Variants in PPP2R2B observed in about 807,000 individuals in gnomAD.
PPP2R2B encodes the protein serine/threonine-protein phosphatase 2A 55 kDa regulatory subunit B beta isoform.
Under a neutral mutation model 46.0 loss-of-function variants are expected in PPP2R2B, and 5 were observed. That is an observed-to-expected ratio of 0.11 (90% CI 0.06 to 0.23). The LOEUF is 0.23. PPP2R2B is among the 10% of genes least tolerant of loss of function. PPP2R2B has a pLI of 1.00. For synonymous variants in PPP2R2B, 215 were observed against 206.7 expected (o/e 1.04, Z -0.34); for missense variants, 367 against 575.0 (o/e 0.64, Z 3.70).
At position 146,838,533 on chromosome 5, in the gene PPP2R2B, T is replaced by C. The variant is rs1225975359; in HGVS notation, c.70+39469A>G. On this transcript the variant is annotated intron_variant, in intron 2 of 9. Transcript: ENST00000394411. Reference sequence around the variant, plus strand: ...TTGCACTGAGCTAAGATTGTGCCACTGCACTCCTGCCCAGAGGACAAAGTG... The same window carrying C: ...TTGCACTGAGCTAAGATTGTGCCACCGCACTCCTGCCCAGAGGACAAAGTG... Among the ~76,000 whole-genome samples the C allele has an allele frequency of 2.1e-5, 3 of 143,352 alleles. No individual in the cohort carries two copies. In the Admixed American group the frequency reaches 2.2e-4, roughly 10 times the overall value. The allele number at this position is 143,352 out of a possible 152,430, so 94.0% of individuals were successfully genotyped here.
At chr5:146,604,083 A>T (rs1772041159) in intron 7 of PPP2R2B, among the ~76,000 whole-genome samples, 1 of 152,236 alleles carries the variant, frequency 6.6e-6, no homozygotes, top group Non-Finnish European at 1.5e-5. Flanking sequence ...ATAATGAACA[A>T]GACAGATCCA....
At chr5:146,856,198 T>C (rs1399362143) in intron 2 of PPP2R2B, among the ~76,000 whole-genome samples, 1 of 152,204 alleles carries the variant, frequency 6.6e-6, no homozygotes, top group African/African-American at 2.4e-5. Flanking sequence ...TATTCTTGTT[T>C]AGCCAACACT....
chr5:146,871,934 G>A (rs1451633538), intron 2 of PPP2R2B, among the ~76,000 whole-genome samples: 1 of 152,202 alleles, frequency 6.6e-6, no homozygotes, highest in African/African-American at 2.4e-5. Flanking sequence ...GAGATTAAAT[G>A]AGTAAACATA....
intron 2 of PPP2R2B, among the ~76,000 whole-genome samples, chr5:146,729,263 TGA>T (rs1455794508): frequency 1.3e-5 from 2 of 152,140 alleles, no homozygotes; most frequent in Non-Finnish European, 2.9e-5. Flanking sequence ...ACTTTGAACT[TGA>T]GAGAGATGAT....
At chr5:146,988,942 T>C (rs1396258389) in intron 1 of PPP2R2B, among the ~76,000 whole-genome samples, 1 of 151,790 alleles carries the variant, frequency 6.6e-6, no homozygotes, top group Non-Finnish European at 1.5e-5. Flanking sequence ...GCCACAGAAA[T>C]ACAAAGGATC....
chr5:146,966,540 T>C (rs1256075376), intron 1 of PPP2R2B, among the ~76,000 whole-genome samples: 1 of 152,188 alleles, frequency 6.6e-6, no homozygotes, highest in Non-Finnish European at 1.5e-5. Context: ...AACACTCTAA[T>C]CCATCATACC....
At chr5:146,664,701 G>A (rs116383608) in intron 5 of PPP2R2B, among the ~76,000 whole-genome samples, 55 of 152,170 alleles carry the variant, frequency 3.6e-4, no homozygotes, top group Middle Eastern at 3.4e-3. Flanking sequence ...TGGTGAGTGC[G>A]TCCCAGAAGA....
At chr5:146,596,169 G>T (rs1771151974) in intron 8 of PPP2R2B, among the ~76,000 whole-genome samples, 1 of 152,184 alleles carries the variant, frequency 6.6e-6, no homozygotes, top group Non-Finnish European at 1.5e-5. Context: ...TACCTACAAA[G>T]ACAAATAGGG....
intron 2 of PPP2R2B, among the ~76,000 whole-genome samples, chr5:146,829,632 T>C (rs1265218555): frequency 2.6e-5 from 4 of 152,172 alleles, no homozygotes; most frequent in East Asian, 3.9e-4. Context: ...AGAGACACCA[T>C]ATAAAGAGTC....
chr5:146,630,249 G>A (rs322485), intron 7 of PPP2R2B, among the ~76,000 whole-genome samples: 3 of 152,048 alleles, frequency 2.0e-5, no homozygotes, highest in African/African-American at 4.8e-5. Context: ...CTTTGGATCC[G>A]TCTGATAACA....
chr5:146,725,716 C>G (rs772938871), intron 2 of PPP2R2B, among the ~76,000 whole-genome samples: 1 of 152,152 alleles, frequency 6.6e-6, no homozygotes, highest in Non-Finnish European at 1.5e-5. Context: ...AAATAACTGG[C>G]CTTCTTTCAC....
chr5:146,816,136 G>T (rs1757918352), intron 2 of PPP2R2B, among the ~76,000 whole-genome samples: 1 of 152,098 alleles, frequency 6.6e-6, no homozygotes, highest in Non-Finnish European at 1.5e-5. Flanking sequence ...ATAATAGTGG[G>T]CTCATGCCTG....
At chr5:146,802,888 AT>A (rs1756950715) in intron 2 of PPP2R2B, among the ~76,000 whole-genome samples, 1 of 152,180 alleles carries the variant, frequency 6.6e-6, no homozygotes, top group East Asian at 1.9e-4. Flanking sequence ...CTTCTGGGGA[AT>A]TGGAAGGAGT....
At chr5:146,736,368 A>G (rs1472722262) in intron 2 of PPP2R2B, among the ~76,000 whole-genome samples, 1 of 152,212 alleles carries the variant, frequency 6.6e-6, no homozygotes, top group Non-Finnish European at 1.5e-5. Context: ...ATGCCCTGCC[A>G]CATATTTTAC....
At chr5:146,681,035 G>A (rs1778135436) in intron 5 of PPP2R2B, among the ~76,000 whole-genome samples, 3 of 152,098 alleles carry the variant, frequency 2.0e-5, no homozygotes, top group Non-Finnish European at 2.9e-5. Context: ...ATTTTTCTCT[G>A]GTAAGGACTG....
chr5:146,828,881 A>G (rs1197194222), intron 2 of PPP2R2B, among the ~76,000 whole-genome samples: 2 of 152,210 alleles, frequency 1.3e-5, no homozygotes, highest in African/African-American at 4.8e-5. Flanking sequence ...TTATTTAGTA[A>G]AATGATACCA....
chr5:147,049,323 A>G lies in PPP2R2B; in HGVS notation c.79+6342T>C, dbSNP rs566294114. Among the ~76,000 whole-genome samples the G allele has an allele frequency of 8.5e-5, 13 of 152,214 alleles. No individual in the cohort carries two copies. The East Asian group carries it at 1.7e-3, about 20-fold the overall frequency. On this transcript the variant is annotated intron_variant, in intron 1 of 8. Coordinates refer to the PPP2R2B transcript ENST00000336640. ...AATGTTTTTGTCGAGTCTCTAGGAG[A>G]ACAGAGTTCCCTCTTATTTCCTAGG...
At chr5:146,854,062 T>G (rs1331683619) in intron 2 of PPP2R2B, among the ~76,000 whole-genome samples, 1 of 152,082 alleles carries the variant, frequency 6.6e-6, no homozygotes, top group Non-Finnish European at 1.5e-5. Context: ...ACTAAACCTT[T>G]GCATCCCCAG....
intron 3 of PPP2R2B, among the ~76,000 whole-genome samples, 164 bp from the exon 4 acceptor site, chr5:146,698,308 AAAAAAAAAAATAT>A (rs1453266810): frequency 2.2e-5 from 2 of 91,810 alleles, no homozygotes; most frequent in African/African-American, 9.8e-5. Flanking sequence ...GAAAAAAAAA[AAAAAAAAAAATAT>A]ATATATATAT....
Sources: allele counts gnomAD v4.1 joint callset (sites outside exome capture counted in the v4.1 genomes callset), GRCh38; gene constraint gnomAD v4.1.1; transcripts MANE v1.5; gene names NCBI Gene and HGNC (gene_info 2026-07-23, HGNC 2026-07-21).